RGS7: variants seen among roughly 807,000 people sequenced by gnomAD.
RGS7 encodes the protein regulator of G protein signaling 7.
A neutral mutation model predicts 81.1 loss-of-function variants in RGS7; 27 were observed. That is an observed-to-expected ratio of 0.33 (90% CI 0.25 to 0.46). The LOEUF is 0.46. Among genes scored for constraint, RGS7 ranks in the 20% least tolerant of loss-of-function variants. RGS7 has a pLI of 1.00. For missense variants in RGS7, 396 were observed against 607.4 expected, an observed-to-expected ratio of 0.65 and a Z score of 3.66; for synonymous variants, 208 against 207.7, an observed-to-expected ratio of 1.00 and a Z score of -0.01.
At chr1:241,126,983 G>A (rs1490969680) in intron 2 of RGS7, among the ~76,000 whole-genome samples, 2 of 151,976 alleles carry the variant, frequency 1.3e-5, no homozygotes, top group African/African-American at 2.4e-5. Flanking sequence ...TGAAAGGTAC[G>A]GTATTAGATT....
chr1:240,855,318 A>G (rs1272818243), intron 9 of RGS7, among the ~76,000 whole-genome samples: 1 of 21,594 alleles, frequency 4.6e-5, no homozygotes, highest in Non-Finnish European at 5.0e-4. Context: ...CAAAAAAAAA[A>G]AAAAAAAAAG....
At chr1:240,899,987 T>C (rs964194826) in intron 6 of RGS7, among the ~76,000 whole-genome samples, 3 of 152,208 alleles carry the variant, frequency 2.0e-5, no homozygotes, top group Non-Finnish European at 4.4e-5. Context: ...TTCATTTCTT[T>C]ATACTCTTTT....
chr1:241,234,690 T>C (rs1192178785), intron 2 of RGS7, among the ~76,000 whole-genome samples: 2 of 152,108 alleles, frequency 1.3e-5, no homozygotes, highest in African/African-American at 4.8e-5. Flanking sequence ...CAATTCTCCC[T>C]GCTTTAGGCT....
intron 3 of RGS7, among the ~76,000 whole-genome samples, chr1:241,025,510 C>T (rs1167747343): frequency 1.3e-5 from 2 of 152,172 alleles, no homozygotes; most frequent in African/African-American, 2.4e-5. Flanking sequence ...TGACCACCAC[C>T]TCCAGATTCA....
Position 241,271,142 on chromosome 1 carries a change from A to G in RGS7, c.78+84557T>C, listed in dbSNP as rs1344833564. Among the ~76,000 whole-genome samples the G allele has an allele frequency of 6.6e-6, 1 of 152,108 alleles. No homozygotes were observed. Among genetic ancestry groups the G allele is most frequent in the Admixed American group, 6.5e-5 (1 of 15,272 alleles). ...TGGAATGTGAACCTGAGTATTTTCT[A>G]TTGGCGGGAACTTACGTGGCTAAAA... On this transcript the variant is annotated intron_variant, in intron 2 of 18. Coordinates refer to ENST00000440928, the MANE Select transcript of RGS7 (RefSeq NM_001364886.1). This position sits in a 1 kb window ranked among gnomAD's most constrained non-coding sequence, Gnocchi z 4.6.
At chr1:241,167,843 C>T (rs1297097050) in intron 2 of RGS7, among the ~76,000 whole-genome samples, 2 of 152,046 alleles carry the variant, frequency 1.3e-5, no homozygotes, top group African/African-American at 4.8e-5. Flanking sequence ...ATTTCCCCTT[C>T]CTCTTTCCTG....
chr1:241,135,013 C>T (rs2103057468), intron 2 of RGS7, among the ~76,000 whole-genome samples: 1 of 152,264 alleles, frequency 6.6e-6, no homozygotes, highest in South Asian at 2.1e-4. Flanking sequence ...TACTACGTAG[C>T]AGTCAGGTCA....
intron 6 of RGS7, among the ~76,000 whole-genome samples, chr1:240,898,453 A>C (rs1232593076): frequency 6.6e-6 from 1 of 152,088 alleles, no homozygotes; most frequent in Non-Finnish European, 1.5e-5. Context: ...CACTGCTTTA[A>C]ATGTGTCCCA....
At chr1:240,935,915 T>C (rs1214320630) in intron 5 of RGS7, among the ~76,000 whole-genome samples, 1 of 152,246 alleles carries the variant, frequency 6.6e-6, no homozygotes, top group Non-Finnish European at 1.5e-5. Flanking sequence ...AATCTGCTAA[T>C]CAGTTATTAA....
At chr1:241,152,384 G>A (rs557522136) in intron 2 of RGS7, among the ~76,000 whole-genome samples, 1 of 152,140 alleles carries the variant, frequency 6.6e-6, no homozygotes, top group Non-Finnish European at 1.5e-5. Context: ...TTGAAAATAC[G>A]ATCATTCATT....
intron 2 of RGS7, among the ~76,000 whole-genome samples, chr1:241,148,917 T>C (rs76813608): frequency 0.011 from 1,726 of 152,368 alleles, 40 homozygotes; most frequent in East Asian, 0.06. Flanking sequence ...TTGGCTACTA[T>C]GTATTTCGTT....
intron 3 of RGS7, among the ~76,000 whole-genome samples, chr1:241,051,594 G>A (rs138477225): frequency 2.0e-5 from 3 of 147,126 alleles, no homozygotes; most frequent in Non-Finnish European, 4.5e-5. Context: ...CTTCTCCTCT[G>A]CCTTTCCTCT....
chr1:241,204,110 G>A (rs1391123065), intron 2 of RGS7, among the ~76,000 whole-genome samples: 2 of 152,204 alleles, frequency 1.3e-5, no homozygotes, highest in Non-Finnish European at 2.9e-5. Flanking sequence ...GGAAACTTTA[G>A]AAAGAATGAG....
intron 3 of RGS7, among the ~76,000 whole-genome samples, chr1:241,078,477 C>T (rs983784467): frequency 3.8e-5 from 3 of 79,126 alleles, no homozygotes; most frequent in South Asian, 6.7e-4. Flanking sequence ...CACACACACA[C>T]GTAAGTTATG....
At chr1:240,863,946 C>A (rs1662736888) in intron 9 of RGS7, among the ~76,000 whole-genome samples, 1 of 152,110 alleles carries the variant, frequency 6.6e-6, no homozygotes, top group African/African-American at 2.4e-5. Context: ...AAGTCAGGAT[C>A]TCATTCTTGC....
At chr1:241,180,270 G>A (rs1350211790) in intron 2 of RGS7, among the ~76,000 whole-genome samples, 1 of 152,102 alleles carries the variant, frequency 6.6e-6, no homozygotes, top group Non-Finnish European at 1.5e-5. Flanking sequence ...AGCTACTCGG[G>A]AGGCTGAGGC....
chr1:240,973,004 G>C (rs1177831839), intron 4 of RGS7, among the ~76,000 whole-genome samples: 1 of 151,276 alleles, frequency 6.6e-6, no homozygotes, highest in African/African-American at 2.4e-5. Flanking sequence ...GGCCGTGATT[G>C]TGCCACTGCA....
chr1:241,329,160 A>G (rs2081805794), intron 2 of RGS7, among the ~76,000 whole-genome samples: 1 of 152,200 alleles, frequency 6.6e-6, no homozygotes, highest in African/African-American at 2.4e-5. Flanking sequence ...TCGAGATCTC[A>G]TTTATCCCCT....
At chr1:240,887,611 T>A (rs569332812) in intron 6 of RGS7, among the ~76,000 whole-genome samples, 13 of 152,342 alleles carry the variant, frequency 8.5e-5, no homozygotes, top group Non-Finnish European at 1.5e-4. Flanking sequence ...CTCTTCCTTG[T>A]AGAACTGCAA....
Sources: allele counts gnomAD v4.1 joint callset (sites outside exome capture counted in the v4.1 genomes callset), GRCh38; gene constraint gnomAD v4.1.1; non-coding constraint Gnocchi (gnomAD v3.1); transcripts MANE v1.5; gene names NCBI Gene and HGNC (gene_info 2026-07-23, HGNC 2026-07-21).